Variants in EPS8L2 observed in about 807,000 individuals in gnomAD.
The protein encoded by EPS8L2 is EPS8 signaling adaptor L2.
Under a neutral mutation model 99.4 loss-of-function variants are expected in EPS8L2, and 81 were observed. The observed-to-expected ratio is 0.82, with a 90% CI of 0.68 to 0.98. The LOEUF (loss-of-function observed/expected upper bound fraction) is 0.98, where lower values mean the gene tolerates loss of function less well. Ranked by LOEUF, EPS8L2 falls within the 50% of genes least tolerant of loss-of-function variation. The pLI is 0.00. For missense variants in EPS8L2, 1,155 were observed against 968.8 expected (o/e 1.19, Z -2.55); for synonymous variants, 509 against 407.3 (o/e 1.25, Z -3.01).
chr11:715,273 T>C (rs1861993969), intron 4 of EPS8L2, among the ~76,000 whole-genome samples: 1 of 152,000 alleles, frequency 6.6e-6, no homozygotes, highest in Non-Finnish European at 1.5e-5. Context: ...GAAAGCTTGT[T>C]ATTGTTTCTT....
intron 15 of EPS8L2, 88 bp downstream of exon 15, chr11:723,441 G>C (rs765195454): frequency 1.8e-6 from 1 of 542,186 alleles, no homozygotes. Flanking sequence ...CTGCCACCAG[G>C]TGGTGGCAAG....
chr11:726,388 G>A lies in EPS8L2; in HGVS notation c.1838G>A (p.Arg613His), dbSNP rs1461649278. The change falls in exon 19 of 21, where the codon CGC becomes CAC. Residue 613 changes from arginine (R) to histidine (H), a missense_variant. Transcript: ENST00000318562. Reference protein sequence around the residue: ...NIRAQPQRHFRVERSQPVSQP... With the variant: ...NIRAQPQRHFHVERSQPVSQP... ...AGGGCGCAGCCACAGAGGCACTTCC[G>A]CGTGGAGCGCAGCCAGCCCGTGAGC... 6.2e-7 allele frequency: 1 copy of A among 1,609,572 alleles called. No homozygotes were observed. Among genetic ancestry groups the A allele is most frequent in the South Asian group, 1.1e-5 (1 of 90,514 alleles).
Position 722,812 on chromosome 11 carries a change from GCAC to G in EPS8L2, c.1341+10_1341+12del. On this transcript the variant is annotated splice_region_variant and intron_variant, in intron 14 of 20. Transcript: ENST00000318562. Reference sequence around the variant, plus strand: ...GTCTGCCCCCATCGAGGAGGTGAGAGCACCAGCAGCCCCCATCCCTACCCCAGC... The same window carrying G: ...GTCTGCCCCCATCGAGGAGGTGAGAGCAGCAGCCCCCATCCCTACCCCAGC... 1 of 1,543,478 alleles carries G rather than the reference GCAC, an allele frequency of 6.5e-7. No homozygotes were observed. Among genetic ancestry groups the G allele is most frequent in the Non-Finnish European group, 8.7e-7 (1 of 1,149,220 alleles).
chr11:710,614 T>A (rs971962773), intron 4 of EPS8L2, 128 bp downstream of exon 4: 9 of 936,194 alleles, frequency 9.6e-6, no homozygotes, highest in East Asian at 5.0e-5. Context: ...CTGTAGGCCC[T>A]GCTACTGGGG....
chr11:720,501 G>A, intron 5 of EPS8L2, 96 bp from the exon 6 acceptor site: 2 of 1,528,334 alleles, frequency 1.3e-6, no homozygotes, highest in South Asian at 2.4e-5. Flanking sequence ...CGGCGCCAGA[G>A]GGGCCTGTGC....
chr11:716,569 T>A (rs1862033419), intron 4 of EPS8L2, among the ~76,000 whole-genome samples: 2 of 152,222 alleles, frequency 1.3e-5, no homozygotes, highest in Middle Eastern at 3.2e-3. Flanking sequence ...ATTATTGATC[T>A]TAAGTCTTTC....
chr11:722,239 G>C, intron 12 of EPS8L2, 74 bp downstream of exon 12: 1 of 1,565,960 alleles, frequency 6.4e-7, no homozygotes, highest in Non-Finnish European at 8.7e-7. Flanking sequence ...CCGGGGTCGG[G>C]GTTGGGGCAG....
rs779977651 is a variant in EPS8L2 at position 720,058 on chromosome 11, C to T, written c.166-4C>T. On this transcript the variant is annotated splice_region_variant and splice_polypyrimidine_tract_variant and intron_variant, in intron 4 of 20. Transcript: ENST00000318562. ...CCCAGCAGTGACCACCTGCCCACCCCCAGCACCTGGCCACATTCATCATGG... is the reference window on the plus strand; with the variant it reads ...CCCAGCAGTGACCACCTGCCCACCCTCAGCACCTGGCCACATTCATCATGG... The T allele has an allele frequency of 2.4e-5, 39 of 1,610,530 alleles. No homozygotes were observed. Among genetic ancestry groups the T allele is most frequent in the Non-Finnish European group, 3.2e-5 (38 of 1,178,702 alleles).
chr11:709,456 G>GCCCGA lies in EPS8L2; in HGVS notation c.44+8_44+9insGACCC. The stretch of plus-strand genomic sequence containing the variant: ...CTGCTGCCCGGGTGCCACCAAGTGA[G>GCCCGA]CCCTCCCACCCATCCCGAATACCCC... On this transcript the variant is annotated splice_donor_region_variant and intron_variant, in intron 2 of 20. Transcript: ENST00000318562. 6.3e-7 allele frequency: 1 copy of GCCCGA among 1,588,562 alleles called. No individual in the cohort carries two copies. Among genetic ancestry groups the GCCCGA allele is most frequent in the Non-Finnish European group, 8.6e-7 (1 of 1,164,926 alleles).
chr11:718,037 A>G (rs1027639145), intron 4 of EPS8L2, among the ~76,000 whole-genome samples: 2 of 150,598 alleles, frequency 1.3e-5, no homozygotes, highest in Non-Finnish European at 3.0e-5. Context: ...ATTGTTAACC[A>G]AAAACCAAAC....
chr11:722,676 C>T lies in EPS8L2; in HGVS notation c.1212C>T (p.Ser404=), dbSNP rs1590055503. ...ACTTCAGGACCTCTCACCCCAGTTC[C>T]GAGTGGCCGCGGGAGCCACAGGTGC... The part of the protein sequence containing the change: ...SLGESWMRPR[S]EWPREPQVPL... The change falls in exon 14 of 21, where the codon TCC becomes TCT. Residue 404 remains serine, a synonymous_variant. Transcript: ENST00000318562. 4 of 1,606,978 alleles carry T rather than the reference C, an allele frequency of 2.5e-6. No homozygotes were observed. The South Asian group carries it at 3.3e-5, about 13-fold the overall frequency.
intron 12 of EPS8L2, 63 bp downstream of exon 12, chr11:722,228 C>T: frequency 5.1e-6 from 8 of 1,578,424 alleles, no homozygotes; most frequent in Non-Finnish European, 6.9e-6. Context: ...GCAGCATCTC[C>T]CCGGGGTCGG....
In EPS8L2 at chr11:725,044, G is replaced by A. The variant is rs547448703; in HGVS notation, c.1560+215G>A. ...CCTTCCCATCTTGGGGCTCCCCAAA[G>A]GCATGCAGAGACCCCTGTGCCAGGC... On this transcript the variant is annotated intron_variant, in intron 16 of 20. Transcript: ENST00000318562. Among the ~76,000 whole-genome samples, 8 of 152,340 alleles carry A rather than the reference G, an allele frequency of 5.3e-5. No homozygotes were observed. In the East Asian group the frequency reaches 1.5e-3, roughly 29 times the overall value.
At chr11:720,457 G>A (rs1249229268) in intron 5 of EPS8L2, 140 bp from the exon 6 acceptor site, 2 of 1,367,666 alleles carry the variant, frequency 1.5e-6, no homozygotes, top group African/African-American at 2.9e-5. Context: ...TGTGTCCCGG[G>A]CCTAGTCCTC....
At chr11:726,869 C>T (rs773152167) in intron 20 of EPS8L2, 32 bp from the exon 21 acceptor site, 28 of 1,604,398 alleles carry the variant, frequency 1.7e-5, no homozygotes, top group African/African-American at 2.7e-5. Flanking sequence ...GTGGGACCCC[C>T]GGCTGAGGAT....
rs1478618919 is a variant in EPS8L2 at position 726,677 on chromosome 11, G to A, written c.1993G>A (p.Glu665Lys). Reference sequence around the variant, plus strand: ...GCAGCTCTTCTCCCTCAACAAGGAGGAGCTGAAGAAAGTGTGCGGCGAGGA... The same window carrying A: ...GCAGCTCTTCTCCCTCAACAAGGAGAAGCTGAAGAAAGTGTGCGGCGAGGA... ...GPQLFSLNKE[E>K]LKKVCGEEGV... Residue 665 changes from glutamate (E) to lysine (K), a missense_variant, in exon 20 of 21, where the codon GAG (glutamate) becomes AAG (lysine). By Grantham distance (56) the Glu-to-Lys change is moderately conservative (BLOSUM62 1). Coordinates refer to ENST00000318562, the MANE Select transcript of EPS8L2 (RefSeq NM_022772.4). 4 of 1,579,008 alleles carry A rather than the reference G, an allele frequency of 2.5e-6. No individual in the cohort carries two copies. Among genetic ancestry groups the A allele is most frequent in the African/African-American group, 1.3e-5 (1 of 74,560 alleles).
intron 4 of EPS8L2, among the ~76,000 whole-genome samples, chr11:713,475 A>G (rs896594309): frequency 4.6e-5 from 7 of 152,136 alleles, no homozygotes; most frequent in East Asian, 3.9e-4. Context: ...TCTGCCTCCC[A>G]GGTTCAAACC....
chr11:706,620 C>T (rs1861726109), intron 1 of EPS8L2: 1 of 152,806 alleles, frequency 6.5e-6, no homozygotes, highest in African/African-American at 2.4e-5. Context: ...GGGGGCAATC[C>T]CTGCGTCCGG....
chr11:725,123 A>C (rs1453364022), intron 16 of EPS8L2, among the ~76,000 whole-genome samples: 1 of 151,990 alleles, frequency 6.6e-6, no homozygotes, highest in African/African-American at 2.4e-5. Flanking sequence ...ATTCACACCC[A>C]CCCAGGAGCC....
Sources: allele counts gnomAD v4.1 joint callset (sites outside exome capture counted in the v4.1 genomes callset), GRCh38; gene constraint gnomAD v4.1.1; transcripts MANE v1.5; gene names NCBI Gene and HGNC (gene_info 2026-07-23, HGNC 2026-07-21).